MAT1A: variants seen among roughly 807,000 people sequenced by gnomAD.
MAT1A encodes the protein S-adenosylmethionine synthase isoform type-1.
In MAT1A, 19 loss-of-function variants were observed where a neutral mutation model predicts 44.0. That is an observed-to-expected ratio of 0.43 (90% confidence interval 0.30 to 0.63). The LOEUF (loss-of-function observed/expected upper bound fraction) is 0.63, where lower values mean the gene tolerates loss of function less well. Among genes scored for constraint, MAT1A ranks in the 30% least tolerant of loss-of-function variants. The pLI is 0.12. For missense variants in MAT1A, 397 were observed against 531.0 expected (o/e 0.75, Z 2.48); for synonymous variants, 205 against 205.6 (o/e 1.00, Z 0.03).
At chr10:80,287,554 G>A (rs1841664301) in intron 1 of MAT1A, among the ~76,000 whole-genome samples, 1 of 152,154 alleles carries the variant, frequency 6.6e-6, no homozygotes, top group Non-Finnish European at 1.5e-5. Flanking sequence ...TGATTGGCTG[G>A]CACGTTCATT....
chr10:80,284,074 C>T, intron 2 of MAT1A, 36 bp from the exon 3 acceptor site: 1 of 1,609,760 alleles, frequency 6.2e-7, no homozygotes, highest in African/African-American at 1.3e-5. Flanking sequence ...AGTTAGCAGC[C>T]AAGTGCCAGC....
Position 80,285,498 on chromosome 10 carries a change from C to T in MAT1A, c.169+14G>A, listed in dbSNP as rs117321518. On this transcript the variant is annotated intron_variant, in intron 2 of 8. Coordinates refer to ENST00000372213, the MANE Select transcript of MAT1A (RefSeq NM_000429.3). ...ACTTAGGTCTCCAGCAGGGAGGGATCGGGTGTTTCTTACCACAGGCCACCT... is the reference window on the plus strand; with the variant it reads ...ACTTAGGTCTCCAGCAGGGAGGGATTGGGTGTTTCTTACCACAGGCCACCT... 9.5e-3 allele frequency: 15,254 copies of T among 1,611,592 alleles called. 116 individuals carry two copies. The highest frequency in any genetic ancestry group is 0.035 in the Middle Eastern group (213 of 6,056).
intron 5 of MAT1A, among the ~76,000 whole-genome samples, chr10:80,278,517 C>T (rs1841519809): frequency 6.6e-6 from 1 of 152,220 alleles, no homozygotes; most frequent in South Asian, 2.1e-4. Context: ...TCATGGGCCC[C>T]TTTCTTTGGG....
rs759851331 is a variant in MAT1A, at chr10:80,276,454, C to T, written c.690G>A (p.Val230=). 4 of 1,614,196 alleles carry T rather than the reference C, an allele frequency of 2.5e-6. No homozygotes were observed. In the Admixed American group the frequency reaches 6.7e-5, roughly 27 times the overall value. ...CTTCGTCCAGGTACTTGGCCGGCAC[C>T]ACGGCCCTGATGACTTGCTCCTTCA... ...RALKEQVIRA[V]VPAKYLDEDT... is the part of the protein sequence containing the mutation. The change falls in exon 6 of 9, where the codon GTG becomes GTA. Residue 230 remains valine (V), a synonymous_variant. Transcript: ENST00000372213.
chr10:80,272,274 G>C lies in MAT1A; in HGVS notation c.*1507C>G, dbSNP rs1841420404. On this transcript the variant is annotated 3_prime_UTR_variant, in exon 9 of 9. Coordinates refer to ENST00000372213, the MANE Select transcript of MAT1A (RefSeq NM_000429.3). ...CCTGAGCCTGTGGTCCTGGGAGCTG[G>C]GGAGAAGGTAGAGATGCTGCTGTCA... is the stretch of plus-strand genomic sequence containing the variant. The C allele has an allele frequency of 6.5e-6, 1 of 152,948 alleles. No homozygotes were observed. The highest frequency in any genetic ancestry group is 2.4e-5 in the African/African-American group (1 of 41,464). The allele number at this position is 152,948 out of a possible 1,614,324, so 9.5% of individuals were successfully genotyped here. A position where few individuals can be genotyped will look rare whatever the true frequency, so the allele number is the denominator to read the frequency against.
intron 4 of MAT1A, 96 bp from the exon 5 acceptor site, chr10:80,280,412 T>C (rs912743497): frequency 4.1e-6 from 6 of 1,468,530 alleles, no homozygotes; most frequent in South Asian, 3.5e-5. Flanking sequence ...TCCACGTTGA[T>C]TGGGTGCCTC....
chr10:80,285,020 CTAAT>C (rs886805840), intron 2 of MAT1A, among the ~76,000 whole-genome samples: 1 of 152,162 alleles, frequency 6.6e-6, no homozygotes, highest in African/African-American at 2.4e-5. Flanking sequence ...ATGGGGGACA[CTAAT>C]TATTTTAAAA....
chr10:80,280,927 C>A, intron 3 of MAT1A, 135 bp from the exon 4 acceptor site: 1 of 723,452 alleles, frequency 1.4e-6, no homozygotes, highest in Non-Finnish European at 2.5e-6. Context: ...CAGGGTCTGT[C>A]TAGGCCCACA....
chr10:80,287,954 T>C (rs1841668135), intron 1 of MAT1A, among the ~76,000 whole-genome samples: 1 of 152,188 alleles, frequency 6.6e-6, no homozygotes, highest in East Asian at 1.9e-4. Flanking sequence ...ACTCAATACA[T>C]GGCAGTAGCA....
At chr10:80,278,041 G>A (rs2132703862) in intron 5 of MAT1A, among the ~76,000 whole-genome samples, 2 of 152,340 alleles carry the variant, frequency 1.3e-5, no homozygotes, top group South Asian at 4.1e-4. Context: ...GCCTGGCCCA[G>A]GGCCTCTCTC....
rs1313665674 is a variant in MAT1A, at chr10:80,276,377, T to G, written c.767A>C (p.Gln256Pro). ...PSGRFVIGGP[Q>P]GDAGVTGRKI... ...CTTCGTTCAGAGACAAGAATGCACC[T>G]GGGGACCTCCGATGACAAACCGCCC... The change falls in exon 6 of 9, where the codon CAG becomes CCG. Residue 256 changes from glutamine (Q) to proline (P), a missense_variant and splice_region_variant. Physicochemically the swap from Gln to Pro is moderately conservative, Grantham distance 76. Coordinates refer to ENST00000372213, the MANE Select transcript of MAT1A (RefSeq NM_000429.3). 1.2e-6 allele frequency: 2 copies of G among 1,614,084 alleles called. No homozygotes were observed. The highest frequency in any genetic ancestry group is 2.2e-5 in the South Asian group (2 of 91,090).
chr10:80,277,866 T>C (rs1841512511), intron 5 of MAT1A, among the ~76,000 whole-genome samples: 1 of 152,222 alleles, frequency 6.6e-6, no homozygotes, highest in Non-Finnish European at 1.5e-5. Flanking sequence ...AACACAGCTC[T>C]GACTAGGTAC....
At chr10:80,280,843 G>A in intron 3 of MAT1A, 51 bp from the exon 4 acceptor site, 1 of 1,325,750 alleles carries the variant, frequency 7.5e-7, no homozygotes, top group Non-Finnish European at 1.1e-6. Context: ...GAAGGAGGGG[G>A]CCACAAACTT....
In MAT1A at chr10:80,273,435, C is replaced by T. The variant is rs752203979; in HGVS notation, c.*346G>A. ...ATGTGCTGACCTCACCTGGCACAGG[C>T]AAGGGGAGGGAGGGGGAGCTGGTCA... On this transcript the variant is annotated 3_prime_UTR_variant, in exon 9 of 9. Transcript: ENST00000372213. The T allele has an allele frequency of 1.1e-4, 38 of 346,932 alleles. 1 individual carries two copies. The highest frequency in any genetic ancestry group is 9.8e-4 in the Admixed American group (25 of 25,620). The allele number at this position is 346,932 out of a possible 1,614,324, so 21.5% of individuals were successfully genotyped here. A position where few individuals can be genotyped will look rare whatever the true frequency, so the allele number is the denominator to read the frequency against.
At chr10:80,288,498 T>C (rs1841678056) in intron 1 of MAT1A, among the ~76,000 whole-genome samples, 1 of 152,230 alleles carries the variant, frequency 6.6e-6, no homozygotes, top group Admixed American at 6.5e-5. Flanking sequence ...CTCACCGTCA[T>C]CAAGGAAGCT....
chr10:80,286,243 C>A (rs556785872), intron 1 of MAT1A, among the ~76,000 whole-genome samples: 91 of 152,204 alleles, frequency 6.0e-4, no homozygotes, highest in African/African-American at 2.1e-3. Flanking sequence ...CTAACATCTA[C>A]AAAAGTCCTG....
rs1043846 is a variant in MAT1A at position 80,272,335 on chromosome 10, C to A, written c.*1446G>T. On this transcript the variant is annotated 3_prime_UTR_variant, in exon 9 of 9. Coordinates refer to ENST00000372213, the MANE Select transcript of MAT1A (RefSeq NM_000429.3). ...CTAAGGACAAGTGGGGCAGGTAGGG[C>A]AGGTGCTGCTGGCCATGGATGGAAA... is the stretch of plus-strand genomic sequence containing the variant. 1 of 153,132 alleles carries A rather than the reference C, an allele frequency of 6.5e-6. No individual in the cohort carries two copies. The highest frequency in any genetic ancestry group is 2.1e-4 in the South Asian group (1 of 4,834). The allele number at this position is 153,132 out of a possible 1,614,324, so 9.5% of individuals were successfully genotyped here.
chr10:80,274,767 C>G, intron 7 of MAT1A, 114 bp from the exon 8 acceptor site: 1 of 1,423,396 alleles, frequency 7.0e-7, no homozygotes, highest in Non-Finnish European at 9.7e-7. Flanking sequence ...TCTTGCCCCA[C>G]ATGCTCCCCT....
intron 2 of MAT1A, among the ~76,000 whole-genome samples, chr10:80,285,159 C>T (rs1800498494): frequency 6.6e-6 from 1 of 152,160 alleles, no homozygotes; most frequent in South Asian, 2.1e-4. Flanking sequence ...GTGTTTCAAG[C>T]TCTTGCATCC....
Sources: gnomAD v4.1 joint callset for allele counts (sites outside exome capture counted in the v4.1 genomes callset) on GRCh38, gnomAD v4.1.1 for gene constraint, MANE v1.5 for transcripts, NCBI Gene and HGNC (gene_info 2026-07-23, HGNC 2026-07-21) for gene names.